Variants in KIAA0408 observed in about 807,000 individuals in gnomAD.
KIAA0408 encodes uncharacterized protein KIAA0408.
In KIAA0408, 51 loss-of-function variants were observed where a neutral mutation model predicts 60.9. That is an observed-to-expected ratio of 0.84 (90% CI 0.67 to 1.06). The LOEUF is 1.06. Ranked by LOEUF, KIAA0408 falls within the 50% of genes least tolerant of loss-of-function variation. The pLI is 0.00. For missense variants in KIAA0408, 787 were observed against 833.9 expected, an observed-to-expected ratio of 0.94 and a Z score of 0.69; for synonymous variants, 304 against 282.4, an observed-to-expected ratio of 1.08 and a Z score of -0.77.
intron 1 of KIAA0408, among the ~76,000 whole-genome samples, chr6:127,454,575 A>G (rs1252056717): frequency 1.3e-5 from 2 of 151,166 alleles, no homozygotes; most frequent in Non-Finnish European, 3.0e-5. Flanking sequence ...TTCAGAGATC[A>G]AGCCTGTGCC....
chr6:127,454,113 A>G lies in KIAA0408; in HGVS notation c.-120-12T>C, dbSNP rs1458769584. ...CTTTAAAATAAAGCCTAATATAAAC[A>G]TAACAAGAGAGAGTTCCAAATCCAT... On this transcript the variant is annotated splice_polypyrimidine_tract_variant and intron_variant, in intron 1 of 5. Transcript: ENST00000483725. 1 of 1,370,828 alleles carries G rather than the reference A, an allele frequency of 7.3e-7. No homozygotes were observed. Among genetic ancestry groups the G allele is most frequent in the Non-Finnish European group, 9.4e-7 (1 of 1,061,358 alleles). The allele number at this position is 1,370,828 out of a possible 1,614,324, so 84.9% of individuals were successfully genotyped here.
chr6:127,451,953 G>GA (rs1358208214), intron 2 of KIAA0408, among the ~76,000 whole-genome samples: 2 of 151,932 alleles, frequency 1.3e-5, no homozygotes, highest in East Asian at 1.9e-4. Flanking sequence ...CTACAGTGTG[G>GA]AAAAAAACAA....
At position 127,443,117 on chromosome 6, in the gene KIAA0408, AG is replaced by A. The variant is rs1773132302; in HGVS notation, c.*991del. 4 of 152,164 alleles carry A rather than the reference AG, an allele frequency of 2.6e-5. No individual in the cohort carries two copies. The highest frequency in any genetic ancestry group is 2.6e-4 in the Admixed American group (4 of 15,278). 9.4% of individuals were successfully genotyped at this position (152,164 alleles called of 1,614,324 possible). On this transcript the variant is annotated 3_prime_UTR_variant, in exon 6 of 6. Transcript: ENST00000483725. ...TAATTTTAAGGAAAAGATTAGAAAA[AG>A]GAAAAAAATAATAAATGACTTACCT... is the stretch of plus-strand genomic sequence containing the variant.
rs181271629 is a variant in KIAA0408, at chr6:127,447,101, A to C, written c.1218T>G (p.His406Gln). The change falls in exon 5 of 6, where the codon CAT becomes CAG. Residue 406 changes from histidine to glutamine, a missense_variant. Coordinates refer to ENST00000483725, the MANE Select transcript of KIAA0408 (RefSeq NM_014702.5). ...CTGAGGAGCTACAGTCATTACTTAC[A>C]TGAAGATCAGGATGAGATTTAGCAG... Reference protein sequence around the residue: ...DHPAKSHPDLHVSNDCSSSVA... With the variant: ...DHPAKSHPDLQVSNDCSSSVA... 70 of 1,613,930 alleles carry C rather than the reference A, an allele frequency of 4.3e-5. 1 individual carries two copies. In the East Asian group the frequency reaches 1.6e-3, roughly 36 times the overall value.
In KIAA0408 at chr6:127,441,523, T is replaced by C. The variant is rs1773107814; in HGVS notation, c.*2586A>G. Reference sequence around the variant, plus strand: ...ATCCTCTGCTGAACTAAAATAATATTTTTGCTCCAAAAGTCTGCTAGGGAA... The same window carrying C: ...ATCCTCTGCTGAACTAAAATAATATCTTTGCTCCAAAAGTCTGCTAGGGAA... On this transcript the variant is annotated 3_prime_UTR_variant, in exon 6 of 6. Coordinates refer to ENST00000483725, the MANE Select transcript of KIAA0408 (RefSeq NM_014702.5). 1 of 152,340 alleles carries C rather than the reference T, an allele frequency of 6.6e-6. No individual in the cohort carries two copies. The highest frequency in any genetic ancestry group is 6.6e-5 in the Admixed American group (1 of 15,226). The allele number at this position is 152,340 out of a possible 1,614,324, so 9.4% of individuals were successfully genotyped here. A position where few individuals can be genotyped will look rare whatever the true frequency, so the allele number is the denominator to read the frequency against.
Position 127,446,611 on chromosome 6 carries a change from A to G in KIAA0408, c.1708T>C (p.Tyr570His), listed in dbSNP as rs1174862914. Residue 570 changes from tyrosine to histidine, a missense_variant, in exon 5 of 6, where the codon TAT becomes CAT. This residue lies in a region of KIAA0408 where 640 missense variants were observed against 681.3 expected (regional missense o/e 0.94). Transcript: ENST00000483725. ...AATGCAGACTCTGTTGCTGTCTCAT[A>G]GGTTTTCAGCAGCTTTTCCACAACA... is the stretch of plus-strand genomic sequence containing the variant. ...YGVVEKLLKT[Y>H]ETATESALQN... 5 of 1,614,144 alleles carry G rather than the reference A, an allele frequency of 3.1e-6. No homozygotes were observed. In the South Asian group the frequency reaches 4.4e-5, roughly 14 times the overall value.
rs1439843704 is a variant in KIAA0408, at chr6:127,446,874, G to T, written c.1445C>A (p.Thr482Lys). ...ATCGTTACTTTGTGATATGCTACCT[G>T]TGTGAGTAGATGAGGTATCACAGGG... The part of the protein sequence containing the change: ...LKPCDTSSTH[T>K]GSISQSNDVS... The change falls in exon 5 of 6, where the codon ACA (threonine) becomes AAA (lysine). Residue 482 changes from threonine (T) to lysine (K), a missense_variant. Thr to Lys is a moderately conservative substitution (Grantham distance 78). This residue lies in a region of KIAA0408 where 640 missense variants were observed against 681.3 expected (regional missense o/e 0.94). Coordinates refer to ENST00000483725, the MANE Select transcript of KIAA0408 (RefSeq NM_014702.5). 3 of 1,614,024 alleles carry T rather than the reference G, an allele frequency of 1.9e-6. No homozygotes were observed. Among genetic ancestry groups the T allele is most frequent in the Admixed American group, 3.3e-5 (2 of 60,012 alleles).
chr6:127,446,673 CCAGA>C lies in KIAA0408; in HGVS notation c.1642_1645del (p.Ser548AlafsTer19). 1 of 1,613,926 alleles carries C rather than the reference CCAGA, an allele frequency of 6.2e-7. No homozygotes were observed. Among genetic ancestry groups the C allele is most frequent in the East Asian group, 2.2e-5 (1 of 44,860 alleles). Reference sequence around the variant, plus strand: ...CCTGGGATCAGCTGACCTCGGACGGCCAGACAAATTACTCGGTCTCCAGTCATGC... The same window carrying C: ...CCTGGGATCAGCTGACCTCGGACGGCCAAATTACTCGGTCTCCAGTCATGC... On this transcript the variant is annotated frameshift_variant, in exon 5 of 6. Coordinates refer to ENST00000483725, the MANE Select transcript of KIAA0408 (RefSeq NM_014702.5). LOFTEE classifies it high-confidence loss of function.
In KIAA0408 at chr6:127,443,768, A is replaced by G. The variant is rs1170980985; in HGVS notation, c.*341T>C. On this transcript the variant is annotated 3_prime_UTR_variant, in exon 6 of 6. Coordinates refer to ENST00000483725, the MANE Select transcript of KIAA0408 (RefSeq NM_014702.5). ...ACATAAGTTTTTCATATCTAAATAC[A>G]TACTAGGATACTTCCTATTTCAACA... The G allele has an allele frequency of 4.9e-6, 1 of 204,720 alleles. No individual in the cohort carries two copies. The allele number at this position is 204,720 out of a possible 1,614,324, so 12.7% of individuals were successfully genotyped here. A position where few individuals can be genotyped will look rare whatever the true frequency, so the allele number is the denominator to read the frequency against.
chr6:127,458,474 T>C (rs1773433066), intron 1 of KIAA0408, among the ~76,000 whole-genome samples: 1 of 152,218 alleles, frequency 6.6e-6, no homozygotes, highest in Non-Finnish European at 1.5e-5. Context: ...TCTTCCTTGT[T>C]TTCTTTACAG....
intron 2 of KIAA0408, among the ~76,000 whole-genome samples, chr6:127,453,226 C>T (rs947875108): frequency 7.2e-5 from 11 of 151,976 alleles, no homozygotes; most frequent in Non-Finnish European, 1.3e-4. Context: ...TCAGGGTCAA[C>T]GGACTGAGGG....
rs1773074110 is a variant in KIAA0408 at position 127,439,679 on chromosome 6, T to C, written c.*4430A>G. On this transcript the variant is annotated 3_prime_UTR_variant, in exon 6 of 6. Transcript: ENST00000483725. ...CTGGAAAAATAGCCTGAGCTAGGAG[T>C]CTGAAGAGCCATCTATTTAACTATC... 2 of 151,698 alleles carry C rather than the reference T, an allele frequency of 1.3e-5. No individual in the cohort carries two copies. The highest frequency in any genetic ancestry group is 6.6e-5 in the Admixed American group (1 of 15,186). 9.4% of individuals were successfully genotyped at this position (151,698 alleles called of 1,614,324 possible).
intron 2 of KIAA0408, among the ~76,000 whole-genome samples, chr6:127,451,932 C>A (rs1773309132): frequency 6.6e-6 from 1 of 152,112 alleles, no homozygotes; most frequent in African/African-American, 2.4e-5. Context: ...CCAAAGGATA[C>A]AGGCAGGAGA....
In KIAA0408 at chr6:127,447,267, G is replaced by T; in HGVS notation, c.1052C>A (p.Pro351Gln). 1 of 1,613,946 alleles carries T rather than the reference G, an allele frequency of 6.2e-7. No homozygotes were observed. Among genetic ancestry groups the T allele is most frequent in the Non-Finnish European group, 8.5e-7 (1 of 1,179,960 alleles). Residue 351 changes from proline to glutamine, a missense_variant, in exon 5 of 6, where the codon CCA becomes CAA. Physicochemically the swap from Pro to Gln is moderately conservative, Grantham distance 76 (BLOSUM62 -1). Around this residue, in one of 3 missense-constraint regions of KIAA0408, gnomAD observed 640 missense variants for 681.3 expected, o/e 0.94. Transcript: ENST00000483725. ...VPEVKIDSKP[P>Q]SNEDVGLSMW... The stretch of plus-strand genomic sequence containing the variant: ...GCTAAGTCCAACATCTTCATTACTT[G>T]GAGGCTTGCTATCTATTTTGACTTC...
chr6:127,448,924 G>A (rs1389505653), intron 4 of KIAA0408, among the ~76,000 whole-genome samples: 1 of 152,036 alleles, frequency 6.6e-6, no homozygotes, highest in East Asian at 1.9e-4. Context: ...TGTTAATTTG[G>A]CTAAAACTTA....
rs187241480 is a variant in KIAA0408 at position 127,439,023 on chromosome 6, A to G, written c.*5086T>C. ...CTTCTTGCTATTCTGCTGTTTCTCC[A>G]TTGTTGGCCCCTTCTGCCATATAAA... On this transcript the variant is annotated 3_prime_UTR_variant, in exon 6 of 6. Transcript: ENST00000483725. 2.0e-5 allele frequency: 3 copies of G among 152,318 alleles called. No homozygotes were observed. The highest frequency in any genetic ancestry group is 7.2e-5 in the African/African-American group (3 of 41,542). The allele number at this position is 152,318 out of a possible 1,614,324, so 9.4% of individuals were successfully genotyped here.
intron 4 of KIAA0408, among the ~76,000 whole-genome samples, chr6:127,447,970 C>G (rs921068986): frequency 2.0e-5 from 3 of 152,180 alleles, no homozygotes; most frequent in African/African-American, 4.8e-5. Context: ...GACTCAAACT[C>G]TTTCCAAACT....
intron 1 of KIAA0408, among the ~76,000 whole-genome samples, chr6:127,455,496 A>C (rs970572804): frequency 6.6e-6 from 1 of 152,158 alleles, no homozygotes; most frequent in Non-Finnish European, 1.5e-5. Flanking sequence ...AACAGTTTTG[A>C]ATCTGTATTT....
In KIAA0408 at chr6:127,447,091, C is replaced by T; in HGVS notation, c.1228G>A (p.Asp410Asn). The T allele has an allele frequency of 2.5e-6, 4 of 1,613,820 alleles. No homozygotes were observed. The highest frequency in any genetic ancestry group is 1.7e-4 in the Middle Eastern group (1 of 6,058). Residue 410 changes from aspartate to asparagine, a missense_variant, in exon 5 of 6, where the codon GAC (aspartate) becomes AAC (asparagine). Physicochemically the swap from Asp to Asn is conservative, Grantham distance 23. Transcript: ENST00000483725. ...CTCTCTGCTACTGAGGAGCTACAGT[C>T]ATTACTTACATGAAGATCAGGATGA... is the stretch of plus-strand genomic sequence containing the variant. Reference protein sequence around the residue: ...KSHPDLHVSNDCSSSVAESSS... With the variant: ...KSHPDLHVSNNCSSSVAESSS...
Sources: allele counts gnomAD v4.1 joint callset (sites outside exome capture counted in the v4.1 genomes callset), GRCh38; gene constraint gnomAD v4.1.1; regional missense constraint gnomAD v4.1.1; transcripts MANE v1.5; gene names NCBI Gene and HGNC (gene_info 2026-07-23, HGNC 2026-07-21).